Variants in PIK3CG observed in about 807,000 individuals in gnomAD.
PIK3CG encodes phosphatidylinositol-4,5-bisphosphate 3-kinase catalytic subunit gamma.
A neutral mutation model predicts 102.3 loss-of-function variants in PIK3CG; 55 were observed. The observed-to-expected ratio is 0.54, with a 90% confidence interval of 0.43 to 0.67. The LOEUF (loss-of-function observed/expected upper bound fraction) is 0.67, where lower values mean the gene tolerates loss of function less well. Ranked by LOEUF, PIK3CG falls within the 30% of genes least tolerant of loss-of-function variation. The pLI, the probability that PIK3CG is intolerant of heterozygous loss-of-function variation, is 0.00. For missense variants in PIK3CG, 1,258 were observed against 1,391.8 expected, an observed-to-expected ratio of 0.90 and a Z score of 1.53; for synonymous variants, 552 against 540.0, an observed-to-expected ratio of 1.02 and a Z score of -0.31.
At position 106,868,022 on chromosome 7, in the gene PIK3CG, T is replaced by C. The variant is rs2116428454; in HGVS notation, c.461T>C (p.Leu154Pro). The C allele has an allele frequency of 1.9e-6, 3 of 1,612,076 alleles. No homozygotes were observed. The highest frequency in any genetic ancestry group is 2.5e-6 in the Non-Finnish European group (3 of 1,179,044). The change falls in exon 2 of 11, where the codon CTC becomes CCC. Residue 154 changes from leucine to proline, a missense_variant. Leu to Pro is a moderately conservative substitution (Grantham distance 98). This residue lies in a region of PIK3CG where 832 missense variants were observed against 787.5 expected (regional missense o/e 1.06). Coordinates refer to ENST00000496166, the MANE Select transcript of PIK3CG (RefSeq NM_001282426.2). This position sits in a 1 kb window ranked among gnomAD's most constrained non-coding sequence, Gnocchi z 6.2. Reference protein sequence around the residue: ...SEESQAFQRQLTALIGYDVTD... With the variant: ...SEESQAFQRQPTALIGYDVTD... ...GAGTCCCAAGCCTTCCAGCGGCAGC[T>C]CACGGCGCTGATTGGCTATGACGTC...
Position 106,899,192 on chromosome 7 carries a change from G to A in PIK3CG, c.3031-5917G>A, listed in dbSNP as rs548542131. Among the ~76,000 whole-genome samples, 34 of 151,938 alleles carry A rather than the reference G, an allele frequency of 2.2e-4. No individual in the cohort carries two copies. Among genetic ancestry groups the A allele is most frequent in the African/African-American group, 7.2e-4 (30 of 41,506 alleles). ...GGCTGTTGTTGGTGTATAGGAATGC[G>A]TGATTTTTTACACTGATTTTGGATC... is the stretch of plus-strand genomic sequence containing the variant. On this transcript the variant is annotated intron_variant, in intron 10 of 10. Transcript: ENST00000496166. This position sits in a 1 kb window ranked among gnomAD's most constrained non-coding sequence, Gnocchi z 4.6.
rs776029678 is a variant in PIK3CG, at chr7:106,902,389, T to C, written c.3031-2720T>C. On this transcript the variant is annotated intron_variant, in intron 10 of 10. Coordinates refer to ENST00000496166, the MANE Select transcript of PIK3CG (RefSeq NM_001282426.2). The surrounding 1 kb of genome is among the most constrained non-coding windows in gnomAD (Gnocchi z 4.3). The stretch of plus-strand genomic sequence containing the variant: ...CTGTGAATTTTGACAAATGCATCAG[T>C]CATGTAACCACCATCACAATTAAGT... Among the ~76,000 whole-genome samples the C allele has an allele frequency of 1.3e-5, 2 of 152,176 alleles. No individual in the cohort carries two copies. The highest frequency in any genetic ancestry group is 2.9e-5 in the Non-Finnish European group (2 of 68,026).
In PIK3CG at chr7:106,902,347, T is replaced by A. The variant is rs1180705614; in HGVS notation, c.3031-2762T>A. ...GCTTGCTGGAGGTGTAAAATCACCC[T>A]TTCTAGGTGTACAGTTCTGTGAATT... is the stretch of plus-strand genomic sequence containing the variant. On this transcript the variant is annotated intron_variant, in intron 10 of 10. Transcript: ENST00000496166. This position sits in a 1 kb window ranked among gnomAD's most constrained non-coding sequence, Gnocchi z 4.3. Among the ~76,000 whole-genome samples, 2 of 152,206 alleles carry A rather than the reference T, an allele frequency of 1.3e-5. No individual in the cohort carries two copies. The highest frequency in any genetic ancestry group is 2.9e-5 in the Non-Finnish European group (2 of 68,044).
At position 106,872,914 on chromosome 7, in the gene PIK3CG, GA is replaced by G; in HGVS notation, c.2267del (p.Lys756SerfsTer36). Reference protein sequence around the residue: ...VTLDIKSLSAEKYDVSSQVIS... With the variant: ...VTLDIKSLSAXKYDVSSQVIS... ...CCTTGATATTAAATCGCTCTCTGCT[GA>G]AAAGTATGACGTCAGTTCCCAAGGT... On this transcript the variant is annotated frameshift_variant, in exon 4 of 11. Transcript: ENST00000496166. LOFTEE classifies it high-confidence loss of function. The surrounding 1 kb of genome is among the most constrained non-coding windows in gnomAD (Gnocchi z 5.3). 2.5e-6 allele frequency: 4 copies of G among 1,613,708 alleles called. No individual in the cohort carries two copies. The highest frequency in any genetic ancestry group is 3.4e-6 in the Non-Finnish European group (4 of 1,179,590).
chr7:106,868,094 GT>G lies in PIK3CG; in HGVS notation c.534del (p.Gly179AlafsTer3), dbSNP rs1790375245. ...GACGATGAGCTGGAGTTCACGCGCC[GT>G]GGCTTGGTGACCCCGCGCATGGCGG... ...VHDDELEFTR[R>X]GLVTPRMAEV... On this transcript the variant is annotated frameshift_variant, in exon 2 of 11. Transcript: ENST00000496166. LOFTEE classifies it high-confidence loss of function. This position sits in a 1 kb window ranked among gnomAD's most constrained non-coding sequence, Gnocchi z 6.2. 6.2e-7 allele frequency: 1 copy of G among 1,612,768 alleles called. No individual in the cohort carries two copies. The highest frequency in any genetic ancestry group is 1.3e-5 in the African/African-American group (1 of 75,044).
intron 5 of PIK3CG, among the ~76,000 whole-genome samples, chr7:106,875,389 A>G (rs1790690884): frequency 6.6e-6 from 1 of 150,480 alleles, no homozygotes; most frequent in Admixed American, 6.6e-5. Context: ...GAATTCAGTG[A>G]GTTTTGAGAA....
In PIK3CG at chr7:106,872,744, T is replaced by A. The variant is rs1790578222; in HGVS notation, c.2093T>A (p.Phe698Tyr). The A allele has an allele frequency of 6.2e-7, 1 of 1,614,196 alleles. No homozygotes were observed. Among genetic ancestry groups the A allele is most frequent in the Non-Finnish European group, 8.5e-7 (1 of 1,180,004 alleles). The change falls in exon 4 of 11, where the codon TTC (phenylalanine) becomes TAC (tyrosine). Residue 698 changes from phenylalanine (F) to tyrosine (Y), a missense_variant. This residue lies in a region of PIK3CG where 426 missense variants were observed against 604.2 expected (regional missense o/e 0.71). Transcript: ENST00000496166. The surrounding 1 kb of genome is among the most constrained non-coding windows in gnomAD (Gnocchi z 5.3). ...AGAATTGGTCACTTTTTGTTTTGGTTCTTGAGAAGTGAGATAGCCCAGTCC... is the reference window on the plus strand; with the variant it reads ...AGAATTGGTCACTTTTTGTTTTGGTACTTGAGAAGTGAGATAGCCCAGTCC... ...NKRIGHFLFW[F>Y]LRSEIAQSRH...
Position 106,883,184 on chromosome 7 carries a change from A to G in PIK3CG, c.2760+21A>G, listed in dbSNP as rs938586982. ...AAAAGGTGAGCTCATGCTTTTTCCCAGTCTAATGGCTCCTTACAAGTTGTC... is the reference window on the plus strand; with the variant it reads ...AAAAGGTGAGCTCATGCTTTTTCCCGGTCTAATGGCTCCTTACAAGTTGTC... On this transcript the variant is annotated intron_variant, in intron 8 of 10. Transcript: ENST00000496166. This position sits in a 1 kb window ranked among gnomAD's most constrained non-coding sequence, Gnocchi z 5.8. 2.5e-6 allele frequency: 4 copies of G among 1,613,752 alleles called. No homozygotes were observed. Among genetic ancestry groups the G allele is most frequent in the Admixed American group, 3.3e-5 (2 of 60,010 alleles).
Position 106,905,233 on chromosome 7 carries a change from G to A in PIK3CG, c.3155G>A (p.Arg1052Gln), listed in dbSNP as rs1205431023. ...LTSKEDIEYI[R>Q]DALTVGKNEE... Reference sequence around the variant, plus strand: ...AGCAAAGAAGACATTGAATATATCCGGGATGCCCTCACAGTGGGGAAAAAT... The same window carrying A: ...AGCAAAGAAGACATTGAATATATCCAGGATGCCCTCACAGTGGGGAAAAAT... The change falls in exon 11 of 11, where the codon CGG becomes CAG. Residue 1052 changes from arginine to glutamine, a missense_variant. Coordinates refer to ENST00000496166, the MANE Select transcript of PIK3CG (RefSeq NM_001282426.2). The surrounding 1 kb of genome is among the most constrained non-coding windows in gnomAD (Gnocchi z 5.6). The A allele has an allele frequency of 6.8e-6, 11 of 1,613,954 alleles. No homozygotes were observed. Among genetic ancestry groups the A allele is most frequent in the Admixed American group, 5.0e-5 (3 of 59,990 alleles).
At chr7:106,871,776 C>T (rs1488019382) in intron 2 of PIK3CG, among the ~76,000 whole-genome samples, 2 of 152,226 alleles carry the variant, frequency 1.3e-5, no homozygotes, top group Admixed American at 1.3e-4. Context: ...GTGTTTTTTA[C>T]ATTTTATCAG....
chr7:106,882,268 C>T, intron 7 of PIK3CG, 61 bp downstream of exon 7: 1 of 757,238 alleles, frequency 1.3e-6, no homozygotes, highest in South Asian at 2.0e-5. Flanking sequence ...ATTATAATTC[C>T]TTCAGTGTAG....
rs1379504204 is a variant in PIK3CG at position 106,879,863 on chromosome 7, G to A, written c.2538+198G>A. On this transcript the variant is annotated intron_variant, in intron 6 of 10. Transcript: ENST00000496166. The surrounding 1 kb of genome is among the most constrained non-coding windows in gnomAD (Gnocchi z 4.9). ...GATATGCAATCTAATGAGCATTATG[G>A]TTCTGTCCAAGTTGCATATCTAACA... Among the ~76,000 whole-genome samples, 4 of 152,048 alleles carry A rather than the reference G, an allele frequency of 2.6e-5. No individual in the cohort carries two copies. Among genetic ancestry groups the A allele is most frequent in the Non-Finnish European group, 5.9e-5 (4 of 68,006 alleles).
intron 10 of PIK3CG, among the ~76,000 whole-genome samples, chr7:106,901,993 C>G (rs927573237): frequency 5.9e-5 from 9 of 152,188 alleles, no homozygotes; most frequent in Non-Finnish European, 1.3e-4. Context: ...TTCTCTCCCC[C>G]TTGAGTGCTG....
intron 9 of PIK3CG, among the ~76,000 whole-genome samples, chr7:106,885,543 A>G (rs1791061007): frequency 6.6e-6 from 1 of 152,150 alleles, no homozygotes; most frequent in Non-Finnish European, 1.5e-5. Flanking sequence ...AAGAGATAAT[A>G]TATTTATGGA....
rs1790530435 is a variant in PIK3CG at position 106,871,569 on chromosome 7, T to C, written c.1996-968T>C. 2.0e-5 allele frequency among the ~76,000 whole-genome samples: 3 copies of C among 152,254 alleles called. 1 individual carries two copies. In the South Asian group the frequency reaches 6.2e-4, roughly 32 times the overall value. ...AAAAAGGATACACCATTTCTATTCA[T>C]AAAGTGTATACTCTGAGATATTTAA... On this transcript the variant is annotated intron_variant, in intron 2 of 10. Transcript: ENST00000496166.
intron 7 of PIK3CG, 43 bp from the exon 8 acceptor site, chr7:106,882,990 A>C (rs902225110): frequency 6.3e-6 from 10 of 1,591,182 alleles, no homozygotes; most frequent in African/African-American, 1.4e-5. Context: ...TGGGCCAGGT[A>C]CTGGCCCCCA....
At chr7:106,873,068 A>T (rs1290752660) in intron 4 of PIK3CG, 130 bp downstream of exon 4, 1 of 663,710 alleles carries the variant, frequency 1.5e-6, no homozygotes, top group East Asian at 2.7e-5. Flanking sequence ...CACATTTTTG[A>T]GTTTTCTGTC....
rs1435492225 is a variant in PIK3CG at position 106,890,460 on chromosome 7, C to T, written c.3030+4168C>T. On this transcript the variant is annotated intron_variant, in intron 10 of 10. Coordinates refer to ENST00000496166, the MANE Select transcript of PIK3CG (RefSeq NM_001282426.2). The surrounding 1 kb of genome is among the most constrained non-coding windows in gnomAD (Gnocchi z 4.2). ...CCTCCCAAAGTGCTGGGACTACAGGCGTGAGCCAGCGTGCCCAGCCCCGAA... is the reference window on the plus strand; with the variant it reads ...CCTCCCAAAGTGCTGGGACTACAGGTGTGAGCCAGCGTGCCCAGCCCCGAA... Among the ~76,000 whole-genome samples the T allele has an allele frequency of 6.6e-6, 1 of 152,196 alleles. No individual in the cohort carries two copies. The highest frequency in any genetic ancestry group is 2.4e-5 in the African/African-American group (1 of 41,436).
chr7:106,905,940 T>A lies in PIK3CG; in HGVS notation c.*553T>A. On this transcript the variant is annotated 3_prime_UTR_variant, in exon 11 of 11. Transcript: ENST00000496166. This position sits in a 1 kb window ranked among gnomAD's most constrained non-coding sequence, Gnocchi z 5.6. ...TTTTCAGTGTCTTTTGCAATTCAAT[T>A]CTTTTGTCATGTATAACTGAGACAC... 4.3e-6 allele frequency: 1 copy of A among 230,874 alleles called. No individual in the cohort carries two copies. The highest frequency in any genetic ancestry group is 8.6e-6 in the Non-Finnish European group (1 of 116,894). The allele number at this position is 230,874 out of a possible 1,614,324, so 14.3% of individuals were successfully genotyped here.
Sources: gnomAD v4.1 joint callset for allele counts (sites outside exome capture counted in the v4.1 genomes callset) on GRCh38, gnomAD v4.1.1 for gene constraint, gnomAD v4.1.1 regional missense constraint, Gnocchi (gnomAD v3.1) non-coding constraint, MANE v1.5 for transcripts, NCBI Gene and HGNC (gene_info 2026-07-23, HGNC 2026-07-21) for gene names.